Variants in FGD4 observed in about 807,000 individuals in gnomAD.
FGD4 encodes the protein FYVE, RhoGEF and PH domain-containing protein 4.
In FGD4, 42 loss-of-function variants were observed where a neutral mutation model predicts 102.0. The ratio of observed to expected loss-of-function variants is 0.41; its 90% CI spans 0.32 to 0.53. The LOEUF is 0.53. FGD4 is among the 20% of genes least tolerant of loss of function. The pLI is 0.21. For synonymous variants in FGD4, 380 were observed against 375.7 expected, an observed-to-expected ratio of 1.01 and a Z score of -0.13; for missense variants, 902 against 1,078.2, an observed-to-expected ratio of 0.84 and a Z score of 2.29.
chr12:32,548,042 GATAA>G (rs1372521602), intron 1 of FGD4, among the ~76,000 whole-genome samples: 4 of 152,102 alleles, frequency 2.6e-5, no homozygotes, highest in Non-Finnish European at 5.9e-5. Flanking sequence ...TGACATTCAG[GATAA>G]ATATTTTTTA....
intron 1 of FGD4, among the ~76,000 whole-genome samples, chr12:32,507,620 G>A (rs1293322268): frequency 6.6e-6 from 1 of 152,176 alleles, no homozygotes; most frequent in Admixed American, 6.5e-5. Flanking sequence ...CAAAGTCACA[G>A]TTTATTGGGA....
At chr12:32,433,836 TTTAC>T (rs1411179191) in intron 1 of FGD4, among the ~76,000 whole-genome samples, 7 of 151,754 alleles carry the variant, frequency 4.6e-5, no homozygotes, top group Non-Finnish European at 1.0e-4. Context: ...TGATAATATA[TTTAC>T]TTATTTATTT....
chr12:32,578,182 A>T (rs928057522), intron 3 of FGD4, among the ~76,000 whole-genome samples: 3 of 152,084 alleles, frequency 2.0e-5, no homozygotes. Context: ...AATTGGGTAT[A>T]GTGTGTTTTG....
chr12:32,638,476 C>T (rs868367106), intron 15 of FGD4, among the ~76,000 whole-genome samples, 179 bp from the exon 16 acceptor site: 3 of 152,098 alleles, frequency 2.0e-5, no homozygotes, highest in Non-Finnish European at 4.4e-5. Context: ...GGTCTAGTTA[C>T]GTAAAGAGCT....
At chr12:32,427,429 A>T (rs1202799027) in intron 1 of FGD4, among the ~76,000 whole-genome samples, 3 of 152,176 alleles carry the variant, frequency 2.0e-5, no homozygotes, top group African/African-American at 7.2e-5. Flanking sequence ...AGTCTGAAAG[A>T]CTATTTGTTA....
intron 4 of FGD4, among the ~76,000 whole-genome samples, chr12:32,596,247 A>G (rs747749830): frequency 7.2e-4 from 110 of 152,364 alleles, no homozygotes; most frequent in Non-Finnish European, 1.3e-3. Context: ...GAATAGTTGA[A>G]GAAGGCCCCA....
At chr12:32,465,703 CAGAA>C (rs1943234532) in intron 1 of FGD4, among the ~76,000 whole-genome samples, 1 of 151,792 alleles carries the variant, frequency 6.6e-6, no homozygotes, top group Non-Finnish European at 1.5e-5. Flanking sequence ...CCTCCATTAG[CAGAA>C]AGAGTATTAC....
At chr12:32,603,728 G>T (rs1948590574) in intron 7 of FGD4, among the ~76,000 whole-genome samples, 1 of 150,676 alleles carries the variant, frequency 6.6e-6, no homozygotes, top group South Asian at 2.1e-4. Flanking sequence ...TAGAGACAGG[G>T]TCTTGCTCTT....
chr12:32,565,116 C>CTT (rs957655611), intron 2 of FGD4, among the ~76,000 whole-genome samples: 10 of 152,124 alleles, frequency 6.6e-5, no homozygotes, highest in African/African-American at 2.2e-4. Context: ...TTTGTGTTTA[C>CTT]TTAGTTCTCT....
At position 32,611,177 on chromosome 12, in the gene FGD4, GAGA is replaced by G. The variant is rs1264651352; in HGVS notation, c.1653_1655del (p.Glu551del). 20 of 1,614,132 alleles carry G rather than the reference GAGA, an allele frequency of 1.2e-5. No homozygotes were observed. The highest frequency in any genetic ancestry group is 1.7e-5 in the Non-Finnish European group (20 of 1,180,030). ...CTCTTAGAGATTTATGAAATGTTGG[GAGA>G]AGAAGAAGACATTGTAAACCCTTCA... On this transcript the variant is annotated inframe_deletion, in exon 10 of 17. Coordinates refer to ENST00000534526, the MANE Select transcript of FGD4 (RefSeq NM_001370298.3).
intron 4 of FGD4, 65 bp downstream of exon 4, chr12:32,582,532 CTTTA>C (rs988352825): frequency 3.1e-6 from 5 of 1,589,062 alleles, no homozygotes; most frequent in African/African-American, 1.3e-5. Context: ...TCTTAAAACT[CTTTA>C]TTTATTGCAC....
intron 16 of FGD4, 55 bp from the exon 17 acceptor site, chr12:32,640,221 A>T (rs1951087676): frequency 1.2e-6 from 2 of 1,613,528 alleles, no homozygotes; most frequent in Admixed American, 3.3e-5. Context: ...AGCAAGGGAC[A>T]CACTTAACAA....
chr12:32,550,928 C>T lies in FGD4; in HGVS notation c.167-13209C>T, dbSNP rs182249368. 2.8e-4 allele frequency among the ~76,000 whole-genome samples: 43 copies of T among 152,180 alleles called. No homozygotes were observed. In the East Asian group the frequency reaches 5.0e-3, roughly 18 times the overall value. On this transcript the variant is annotated intron_variant, in intron 1 of 16. Transcript: ENST00000534526. ...GAATTACCTGCAGTAAATTCAGCTGCGTATCGGTTGTTAGGCATTTTATCA... is the reference window on the plus strand; with the variant it reads ...GAATTACCTGCAGTAAATTCAGCTGTGTATCGGTTGTTAGGCATTTTATCA...
At position 32,439,853 on chromosome 12, in the gene FGD4, AT is replaced by A. The variant is rs1038555892; in HGVS notation, c.166+39904del. ...TTTCTAGATCCTGTAGGTGTGCTTCATTTTTTTTTTCTTTAGTCTCTTGTGT... is the reference window on the plus strand; with the variant it reads ...TTTCTAGATCCTGTAGGTGTGCTTCATTTTTTTTTCTTTAGTCTCTTGTGT... On this transcript the variant is annotated intron_variant, in intron 1 of 16. Coordinates refer to ENST00000534526, the MANE Select transcript of FGD4 (RefSeq NM_001370298.3). 1.7e-3 allele frequency among the ~76,000 whole-genome samples: 244 copies of A among 147,156 alleles called. 1 individual carries two copies. Among genetic ancestry groups the A allele is most frequent in the African/African-American group, 5.8e-3 (234 of 40,202 alleles).
At chr12:32,556,669 C>T (rs1353360349) in intron 1 of FGD4, among the ~76,000 whole-genome samples, 1 of 151,854 alleles carries the variant, frequency 6.6e-6, no homozygotes, top group Non-Finnish European at 1.5e-5. Context: ...CCAGCCTGGC[C>T]GACGTGGTGA....
intron 4 of FGD4, among the ~76,000 whole-genome samples, chr12:32,587,747 A>G (rs778404467): frequency 6.6e-6 from 1 of 152,130 alleles, no homozygotes; most frequent in African/African-American, 2.4e-5. Flanking sequence ...AATCATTGAG[A>G]TGACAGGAAG....
chr12:32,526,451 ACT>A (rs778458617), intron 1 of FGD4, among the ~76,000 whole-genome samples: 9 of 152,068 alleles, frequency 5.9e-5, no homozygotes, highest in Admixed American at 6.5e-5. Flanking sequence ...GGGTGTGGAA[ACT>A]CTGTATCTAA....
At chr12:32,485,972 A>T (rs569234792) in intron 1 of FGD4, 5 of 1,333,174 alleles carry the variant, frequency 3.8e-6, no homozygotes, top group Non-Finnish European at 4.8e-6. Flanking sequence ...ACTTCCCATT[A>T]GTTAGTTCTT....
intron 1 of FGD4, among the ~76,000 whole-genome samples, chr12:32,416,209 A>C (rs1167253660): frequency 6.6e-6 from 1 of 152,230 alleles, no homozygotes; most frequent in East Asian, 1.9e-4. Context: ...TGTGTTGCCC[A>C]GGCTGGTCTT....
Sources: allele counts gnomAD v4.1 joint callset (sites outside exome capture counted in the v4.1 genomes callset), GRCh38; gene constraint gnomAD v4.1.1; transcripts MANE v1.5; gene names NCBI Gene and HGNC (gene_info 2026-07-23, HGNC 2026-07-21).